The following SCEL variants were observed in gnomAD, a reference collection of about 807,000 sequenced individuals.
The protein encoded by SCEL is sciellin.
Under a neutral mutation model 117.6 loss-of-function variants are expected in SCEL, and 113 were observed. The observed-to-expected ratio is 0.96, with a 90% CI of 0.83 to 1.12. The LOEUF is 1.12. Ranked by LOEUF, SCEL falls within the 50% of genes most tolerant of loss-of-function variation. The probability of loss-of-function intolerance (pLI) is 0.00; values close to 1 mark genes in which losing one functional copy is unlikely to be tolerated. For synonymous variants in SCEL, 270 were observed against 256.2 expected (o/e 1.05, Z -0.51); for missense variants, 785 against 810.8 (o/e 0.97, Z 0.39).
chr13:77,611,429 T>TA (rs1167351202), intron 22 of SCEL, among the ~76,000 whole-genome samples: 4 of 152,164 alleles, frequency 2.6e-5, no homozygotes, highest in Admixed American at 2.0e-4. Context: ...ATTTGGCATA[T>TA]ATTAATACAA....
At chr13:77,537,623 T>C (rs527559797) in intron 1 of SCEL, among the ~76,000 whole-genome samples, 6 of 152,276 alleles carry the variant, frequency 3.9e-5, no homozygotes, top group African/African-American at 1.4e-4. Flanking sequence ...GGGGATCTGA[T>C]GTATGTGTGT....
chr13:77,593,392 C>T, intron 11 of SCEL, 122 bp from the exon 12 acceptor site: 1 of 658,006 alleles, frequency 1.5e-6, no homozygotes, highest in Non-Finnish European at 2.6e-6. Flanking sequence ...CTGTTAAACT[C>T]AGTAATTCCT....
Position 77,627,962 on chromosome 13 carries a change from A to G in SCEL, c.1644A>G (p.Glu548=), listed in dbSNP as rs759050306. ...LRNTNRDQNL[E]NLIEVNSHVS... is the part of the protein sequence containing the mutation. ...TTTTCCTTAGAGACCAGAACCTGGA[A>G]AATTTAATTGAAGTAAATTCTCATG... The change falls in exon 28 of 33, where the codon GAA becomes GAG. Residue 548 remains glutamate (E), a synonymous_variant. Transcript: ENST00000349847. 1 of 1,476,422 alleles carries G rather than the reference A, an allele frequency of 6.8e-7. No individual in the cohort carries two copies. The highest frequency in any genetic ancestry group is 9.3e-7 in the Non-Finnish European group (1 of 1,080,336). 91.5% of individuals were successfully genotyped at this position (1,476,422 alleles called of 1,614,324 possible).
At chr13:77,613,795 A>G in intron 23 of SCEL, 98 bp from the exon 24 acceptor site, 1 of 905,656 alleles carries the variant, frequency 1.1e-6, no homozygotes, top group Non-Finnish European at 1.8e-6. Context: ...TAAACTTATG[A>G]GTTCTTACAC....
At chr13:77,596,577 G>A (rs1175026351) in intron 12 of SCEL, among the ~76,000 whole-genome samples, 1 of 152,146 alleles carries the variant, frequency 6.6e-6, no homozygotes, top group Non-Finnish European at 1.5e-5. Flanking sequence ...CAATGAATAA[G>A]TGATGAGTCC....
At chr13:77,598,977 T>C (rs1194772344) in intron 13 of SCEL, among the ~76,000 whole-genome samples, 1 of 152,140 alleles carries the variant, frequency 6.6e-6, no homozygotes, top group African/African-American at 2.4e-5. Context: ...CCACTACACC[T>C]AGCCTGAAAA....
intron 4 of SCEL, 98 bp from the exon 5 acceptor site, chr13:77,563,733 A>G (rs2085117556): frequency 1.2e-6 from 1 of 837,308 alleles, no homozygotes; most frequent in Admixed American, 2.7e-5. Flanking sequence ...TTCCTACTGA[A>G]ATAGGTCAAA....
chr13:77,552,819 T>C (rs1460873289), intron 1 of SCEL, among the ~76,000 whole-genome samples: 1 of 152,228 alleles, frequency 6.6e-6, no homozygotes, highest in Non-Finnish European at 1.5e-5. Flanking sequence ...AGGGTTTTTA[T>C]GGTTTTGGGT....
intron 3 of SCEL, among the ~76,000 whole-genome samples, chr13:77,557,869 A>G (rs1385489903): frequency 6.6e-6 from 1 of 152,244 alleles, no homozygotes; most frequent in Non-Finnish European, 1.5e-5. Flanking sequence ...TAAACTATCT[A>G]CAAACTCTGC....
chr13:77,603,133 TG>T lies in SCEL; in HGVS notation c.1097+1del. On this transcript the variant is annotated frameshift_variant and splice_region_variant, in exon 18 of 33. Transcript: ENST00000349847. LOFTEE classifies it high-confidence loss of function. ...ATCCCAAAGGACATGAAAATACCAC[TG>T]GGTAAAAATAATTAATGTCTTTAAT... ...VNPKGHENTT[G>X]KKDLDGLIKV... The T allele has an allele frequency of 6.6e-7, 1 of 1,523,566 alleles. No individual in the cohort carries two copies. Among genetic ancestry groups the T allele is most frequent in the Non-Finnish European group, 9.0e-7 (1 of 1,117,214 alleles). The allele number at this position is 1,523,566 out of a possible 1,614,324, so 94.4% of individuals were successfully genotyped here.
rs778424150 is a variant in SCEL, at chr13:77,563,932, C to T, written c.290+33C>T. 5.3e-6 allele frequency: 7 copies of T among 1,333,300 alleles called. No homozygotes were observed. In the Admixed American group the frequency reaches 7.5e-5, roughly 14 times the overall value. 82.6% of individuals were successfully genotyped at this position (1,333,300 alleles called of 1,614,324 possible). ...GCTTTTGAACCATATAAATGGAATG[C>T]ATAACATATTAAATACATTTTCTAA... On this transcript the variant is annotated intron_variant, in intron 5 of 32. Coordinates refer to ENST00000349847, the MANE Select transcript of SCEL (RefSeq NM_144777.3).
chr13:77,581,529 G>C (rs963386172), intron 9 of SCEL, among the ~76,000 whole-genome samples: 1 of 152,118 alleles, frequency 6.6e-6, no homozygotes, highest in African/African-American at 2.4e-5. Context: ...TGGAGCTCTT[G>C]TTGCCTCCGC....
At chr13:77,577,233 A>G (rs2085997660) in intron 9 of SCEL, among the ~76,000 whole-genome samples, 2 of 152,188 alleles carry the variant, frequency 1.3e-5, no homozygotes, top group Admixed American at 6.6e-5. Context: ...CCACACTGCT[A>G]TGAAGAAATA....
chr13:77,597,408 G>A (rs2087308611), intron 12 of SCEL, 137 bp from the exon 13 acceptor site: 2 of 573,438 alleles, frequency 3.5e-6, no homozygotes, highest in African/African-American at 4.0e-5. Flanking sequence ...TGCGAGCTTT[G>A]AGGATCATCA....
At chr13:77,606,068 G>C (rs1018160623) in intron 19 of SCEL, among the ~76,000 whole-genome samples, 2 of 152,186 alleles carry the variant, frequency 1.3e-5, no homozygotes, top group African/African-American at 4.8e-5. Context: ...CTATGCTTAT[G>C]TGTGTATGCA....
At chr13:77,610,277 C>T (rs1159913493) in intron 22 of SCEL, among the ~76,000 whole-genome samples, 171 bp downstream of exon 22, 1 of 151,800 alleles carries the variant, frequency 6.6e-6, no homozygotes, top group Non-Finnish European at 1.5e-5. Context: ...ATGGTGAAAC[C>T]CTGTCTCTAC....
chr13:77,573,624 T>C (rs2085766995), intron 9 of SCEL, among the ~76,000 whole-genome samples: 2 of 151,836 alleles, frequency 1.3e-5, no homozygotes, highest in African/African-American at 2.4e-5. Context: ...TTGCTTTTTT[T>C]ATATCTGTCA....
At chr13:77,571,409 C>T (rs1222892552) in intron 8 of SCEL, among the ~76,000 whole-genome samples, 1 of 147,556 alleles carries the variant, frequency 6.8e-6, no homozygotes, top group Non-Finnish European at 1.5e-5. Context: ...TATTTTGAAG[C>T]TGGGCGCAGT....
intron 9 of SCEL, among the ~76,000 whole-genome samples, chr13:77,576,801 C>T (rs2085967951): frequency 6.6e-6 from 1 of 152,160 alleles, no homozygotes; most frequent in East Asian, 1.9e-4. Flanking sequence ...TTTGTGTCCT[C>T]TCTGATTTCT....
Sources: gnomAD v4.1 joint callset for allele counts (sites outside exome capture counted in the v4.1 genomes callset) on GRCh38, gnomAD v4.1.1 for gene constraint, MANE v1.5 for transcripts, NCBI Gene and HGNC (gene_info 2026-07-23, HGNC 2026-07-21) for gene names.